Variants in TMEM232 observed in about 807,000 individuals in gnomAD.
The protein encoded by TMEM232 is transmembrane protein 232.
TMEM232 carries 80 observed loss-of-function variants against 78.8 expected under a neutral mutation model. The observed-to-expected ratio is 1.01, with a 90% CI of 0.85 to 1.22. The LOEUF is 1.22. Ranked by LOEUF, TMEM232 falls within the 50% of genes most tolerant of loss-of-function variation. TMEM232 has a pLI of 0.00. For missense variants in TMEM232, 881 were observed against 742.2 expected, an observed-to-expected ratio of 1.19 and a Z score of -2.17; for synonymous variants, 297 against 254.3, an observed-to-expected ratio of 1.17 and a Z score of -1.60.
intron 1 of TMEM232, among the ~76,000 whole-genome samples, chr5:110,682,395 A>C (rs868100987): frequency 6.6e-6 from 1 of 151,974 alleles, no homozygotes; most frequent in Non-Finnish European, 1.5e-5. Context: ...TAAAAAAAAA[A>C]CAACAATTAT....
intron 7 of TMEM232, among the ~76,000 whole-genome samples, chr5:110,623,924 G>C (rs1784092282): frequency 6.6e-6 from 1 of 152,148 alleles, no homozygotes; most frequent in Non-Finnish European, 1.5e-5. Context: ...CCCACTGTAA[G>C]CTGATATGTC....
At chr5:110,414,545 G>A (rs886434093), downstream of TMEM232, among the ~76,000 whole-genome samples, 4 of 152,258 alleles carry the variant, frequency 2.6e-5, no homozygotes, top group South Asian at 8.3e-4. Flanking sequence ...AGTTTCTAGA[G>A]GTTTAGAAAA....
downstream of TMEM232, among the ~76,000 whole-genome samples, chr5:110,415,500 T>C (rs555255199): frequency 6.6e-6 from 1 of 151,806 alleles, no homozygotes; most frequent in African/African-American, 2.4e-5. Context: ...ACTTTTTTTT[T>C]TTACCCTCCA....
intron 11 of TMEM232, 117 bp downstream of exon 11, chr5:110,568,330 C>T: frequency 2.1e-6 from 2 of 964,152 alleles, no homozygotes; most frequent in Non-Finnish European, 3.0e-6. Flanking sequence ...ATATTATTCT[C>T]ACCTGTAAGT....
rs146786747 is a variant in TMEM232, at chr5:110,542,429, A to G, written c.1456-13594T>C. ...ATTTCCTCTCACCTAGAGACCATCA[A>G]GCTTCAGATTATCATGTGACAGGGC... On this transcript the variant is annotated intron_variant, in intron 11 of 13. Transcript: ENST00000455884. Among the ~76,000 whole-genome samples, 874 of 152,256 alleles carry G rather than the reference A, an allele frequency of 5.7e-3. 15 individuals are homozygous for G. Among genetic ancestry groups the G allele is most frequent in the East Asian group, 0.044 (227 of 5,168 alleles).
chr5:110,555,735 C>T (rs1414662903), intron 11 of TMEM232, among the ~76,000 whole-genome samples: 1 of 152,074 alleles, frequency 6.6e-6, no homozygotes. Flanking sequence ...GAATTGATCC[C>T]TTTATAATTA....
intron 7 of TMEM232, among the ~76,000 whole-genome samples, chr5:110,618,832 TA>T (rs1783271526): frequency 6.6e-6 from 1 of 152,158 alleles, no homozygotes; most frequent in Admixed American, 6.5e-5. Flanking sequence ...CTGGATCACA[TA>T]AGGGATAGCT....
intron 10 of TMEM232, among the ~76,000 whole-genome samples, chr5:110,586,609 T>A (rs1778847130): frequency 6.6e-6 from 1 of 151,552 alleles, no homozygotes; most frequent in Admixed American, 6.6e-5. Context: ...CACATACAAA[T>A]GTATCTCAAG....
intron 5 of TMEM232, among the ~76,000 whole-genome samples, chr5:110,634,643 T>C (rs1785565225): frequency 6.6e-6 from 1 of 151,598 alleles, no homozygotes; most frequent in Non-Finnish European, 1.5e-5. Flanking sequence ...AAAAAAGTTT[T>C]GAAACAAATG....
chr5:110,439,178 G>C (rs1046813782), intron 12 of TMEM232, among the ~76,000 whole-genome samples: 2 of 151,866 alleles, frequency 1.3e-5, no homozygotes, highest in Non-Finnish European at 2.9e-5. Flanking sequence ...AAGATTTAAA[G>C]CACAAATATT....
At chr5:110,583,385 T>C (rs1344668748) in intron 10 of TMEM232, among the ~76,000 whole-genome samples, 2 of 151,928 alleles carry the variant, frequency 1.3e-5, no homozygotes, top group East Asian at 1.9e-4. Flanking sequence ...CATGAATATA[T>C]AATGGGAAAA....
chr5:110,462,471 A>T (rs966118951), intron 12 of TMEM232, among the ~76,000 whole-genome samples: 5 of 152,204 alleles, frequency 3.3e-5, no homozygotes, highest in African/African-American at 9.6e-5. Context: ...AGGCAGAGGA[A>T]CATGGAAAGA....
chr5:110,667,785 T>C (rs1003329116), intron 1 of TMEM232: 7 of 152,386 alleles, frequency 4.6e-5, no homozygotes, highest in African/African-American at 1.4e-4. Context: ...GCCTAGTATA[T>C]AGGAAACTTT....
intron 1 of TMEM232, among the ~76,000 whole-genome samples, chr5:110,699,749 A>C (rs1490551631): frequency 6.6e-6 from 1 of 152,026 alleles, no homozygotes; most frequent in Non-Finnish European, 1.5e-5. Flanking sequence ...ACTTGGTTTC[A>C]GAACTGCCTT....
chr5:110,564,158 G>A (rs1003517258), intron 11 of TMEM232, among the ~76,000 whole-genome samples: 1 of 151,678 alleles, frequency 6.6e-6, no homozygotes, highest in Non-Finnish European at 1.5e-5. Flanking sequence ...TCTAAAAACG[G>A]GACATTAGGA....
rs143739240 is a variant in TMEM232, at chr5:110,735,663, T to C, written c.-125-648A>G. Among the ~76,000 whole-genome samples, 450 of 152,242 alleles carry C rather than the reference T, an allele frequency of 3.0e-3. 1 individual carries two copies. The highest frequency in any genetic ancestry group is 0.01 in the African/African-American group (433 of 41,544). ...ACTTAGTGACTCTCTTCCAAAAAAA[T>C]AGAACATGGCAGAAGTGATGAGGTG... On this transcript the variant is annotated intron_variant, in intron 1 of 4. Coordinates refer to the TMEM232 transcript ENST00000512886.
At chr5:110,569,310 A>G (rs541827718) in intron 10 of TMEM232, among the ~76,000 whole-genome samples, 25 of 152,016 alleles carry the variant, frequency 1.6e-4, no homozygotes, top group Admixed American at 7.2e-4. Context: ...GGAGAAAGAC[A>G]TTCCTATTTA....
chr5:110,657,277 T>C (rs1366164934), intron 2 of TMEM232, among the ~76,000 whole-genome samples: 1 of 152,172 alleles, frequency 6.6e-6, no homozygotes, highest in African/African-American at 2.4e-5. Flanking sequence ...ATAATCAGTA[T>C]GTGAAAGAGA....
At chr5:110,609,569 T>G (rs1466021803) in intron 8 of TMEM232, among the ~76,000 whole-genome samples, 1 of 151,632 alleles carries the variant, frequency 6.6e-6, no homozygotes, top group Non-Finnish European at 1.5e-5. Flanking sequence ...ATGAAAAGGG[T>G]AGTATACAGT....
Sources: allele counts gnomAD v4.1 joint callset (sites outside exome capture counted in the v4.1 genomes callset), GRCh38; gene constraint gnomAD v4.1.1; transcripts MANE v1.5; gene names NCBI Gene and HGNC (gene_info 2026-07-23, HGNC 2026-07-21).